Variants in SYCP2L observed in about 807,000 individuals in gnomAD.
SYCP2L encodes synaptonemal complex protein 2 like, also known as synaptonemal complex protein 2-like.
Under a neutral mutation model 125.8 loss-of-function variants are expected in SYCP2L, and 98 were observed. The observed-to-expected ratio is 0.78, with a 90% CI of 0.66 to 0.92. The LOEUF (loss-of-function observed/expected upper bound fraction) is 0.92, where lower values mean the gene tolerates loss of function less well. SYCP2L is among the 40% of genes least tolerant of loss of function. The pLI, the probability that SYCP2L is intolerant of heterozygous loss-of-function variation, is 0.00. For synonymous variants in SYCP2L, 317 were observed against 325.4 expected, an observed-to-expected ratio of 0.97 and a Z score of 0.28; for missense variants, 842 against 936.4, an observed-to-expected ratio of 0.90 and a Z score of 1.32.
At chr6:10,932,871 A>G (rs1334636301) in intron 20 of SYCP2L, among the ~76,000 whole-genome samples, 5 of 152,196 alleles carry the variant, frequency 3.3e-5, no homozygotes, top group Non-Finnish European at 1.5e-5. Flanking sequence ...CTCCTGCCTC[A>G]GCCTCCTGAG....
intron 20 of SYCP2L, among the ~76,000 whole-genome samples, chr6:10,932,366 T>C (rs1439548588): frequency 2.6e-5 from 4 of 152,110 alleles, no homozygotes; most frequent in East Asian, 1.9e-4. Flanking sequence ...CTCTCAGCAG[T>C]TGGTTTGTGT....
chr6:10,957,772 A>C (rs1462394908), intron 25 of SYCP2L, among the ~76,000 whole-genome samples: 4 of 152,214 alleles, frequency 2.6e-5, no homozygotes, highest in African/African-American at 7.2e-5. Context: ...AGCTATGATC[A>C]TGCCGCTGTG....
chr6:10,935,547 C>T (rs377194454), intron 21 of SYCP2L, among the ~76,000 whole-genome samples: 43 of 151,832 alleles, frequency 2.8e-4, no homozygotes, highest in African/African-American at 9.4e-4. Flanking sequence ...TTTTTTGACA[C>T]GGAGTCTTGC....
At chr6:10,938,320 T>TTCAGAGAATGAAGGTTAAATTCATAGAA (rs1781142033) in intron 21 of SYCP2L, among the ~76,000 whole-genome samples, 1 of 152,168 alleles carries the variant, frequency 6.6e-6, no homozygotes, top group African/African-American at 2.4e-5. Flanking sequence ...ATAGAATCAT[T>TTCAGAGAATGAAGGTTAAATTCATAGAA]TCAATAGATG....
intron 25 of SYCP2L, 30 bp downstream of exon 25, chr6:10,956,272 A>G: frequency 6.7e-7 from 1 of 1,494,752 alleles, no homozygotes; most frequent in Non-Finnish European, 9.3e-7. Flanking sequence ...AAAAAACTAG[A>G]GCGTTATGAA....
chr6:10,946,753 T>C (rs1781320740), intron 23 of SYCP2L, among the ~76,000 whole-genome samples: 4 of 152,088 alleles, frequency 2.6e-5, no homozygotes, highest in African/African-American at 9.7e-5. Context: ...TCAATATATA[T>C]ATGATTTTTT....
At chr6:10,918,595 GGT>G (rs1780730278) in intron 14 of SYCP2L, among the ~76,000 whole-genome samples, 1 of 151,712 alleles carries the variant, frequency 6.6e-6, no homozygotes, top group African/African-American at 2.4e-5. Context: ...GGAGTGCAAT[GGT>G]GTGATCTCAG....
chr6:10,922,101 A>C (rs1235095245), intron 14 of SYCP2L, among the ~76,000 whole-genome samples: 1 of 152,216 alleles, frequency 6.6e-6, no homozygotes, highest in Admixed American at 6.5e-5. Flanking sequence ...GGAAAAAGGT[A>C]AAAATAATTC....
At position 10,911,894 on chromosome 6, in the gene SYCP2L, CTTTT is replaced by C. The variant is rs58800098; in HGVS notation, c.919-757_919-754del. 7.6e-3 allele frequency among the ~76,000 whole-genome samples: 382 copies of C among 50,048 alleles called. 5 individuals are homozygous for C. Among genetic ancestry groups the C allele is most frequent in the Admixed American group, 0.032 (83 of 2,620 alleles). The allele number at this position is 50,048 out of a possible 152,430, so 32.8% of individuals were successfully genotyped here. On this transcript the variant is annotated intron_variant, in intron 12 of 29. Transcript: ENST00000283141. Reference sequence around the variant, plus strand: ...TTTATCTGTTGTTGGGGAATAAAAGCTTTTTTTTTTTTTTTTTTTTTTTTTGAGA... The same window carrying C: ...TTTATCTGTTGTTGGGGAATAAAAGCTTTTTTTTTTTTTTTTTTTTTGAGA...
At chr6:10,919,844 A>G (rs1446723811) in intron 14 of SYCP2L, among the ~76,000 whole-genome samples, 1 of 152,046 alleles carries the variant, frequency 6.6e-6, no homozygotes, top group Non-Finnish European at 1.5e-5. Context: ...GCAGGTTGTC[A>G]GGGAAATGGG....
At chr6:10,963,452 G>A (rs1781625015) in intron 28 of SYCP2L, 3 of 289,720 alleles carry the variant, frequency 1.0e-5, no homozygotes, top group South Asian at 3.8e-5. Flanking sequence ...TATGTGTTTT[G>A]TTAAAGAAAT....
At chr6:10,951,173 C>G (rs1255856586) in intron 23 of SYCP2L, among the ~76,000 whole-genome samples, 3 of 151,958 alleles carry the variant, frequency 2.0e-5, no homozygotes, top group African/African-American at 7.3e-5. Context: ...CCTGTAATCC[C>G]AGAACTTTGG....
At chr6:10,938,570 A>C (rs1367380407) in intron 21 of SYCP2L, among the ~76,000 whole-genome samples, 1 of 152,230 alleles carries the variant, frequency 6.6e-6, no homozygotes, top group Non-Finnish European at 1.5e-5. Context: ...TATCCAGGCA[A>C]GAAAAAGAAA....
intron 20 of SYCP2L, among the ~76,000 whole-genome samples, chr6:10,932,767 TTTTTGAGACGGAGTC>T (rs1190135430): frequency 2.0e-5 from 3 of 152,218 alleles, no homozygotes; most frequent in African/African-American, 7.2e-5. Flanking sequence ...AAAAATTTTT[TTTTTGAGACGGAGTC>T]TTGCTCTGTC....
chr6:10,894,169 G>A lies in SYCP2L; in HGVS notation c.301G>A (p.Glu101Lys). Residue 101 changes from glutamate (E) to lysine (K), a missense_variant, in exon 4 of 30, where the codon GAA becomes AAA. Glu to Lys is a moderately conservative substitution (Grantham distance 56). Transcript: ENST00000283141. ...CCTCGTAGATGGCCTGAAAGAAGAT[G>A]AACCTCTGCTAATTCGGCAGGGACT... Reference protein sequence around the residue: ...RFLVDGLKEDEPLLIRQGLIP... With the variant: ...RFLVDGLKEDKPLLIRQGLIP... 1 of 1,613,666 alleles carries A rather than the reference G, an allele frequency of 6.2e-7. No individual in the cohort carries two copies. Among genetic ancestry groups the A allele is most frequent in the Non-Finnish European group, 8.5e-7 (1 of 1,179,904 alleles).
intron 5 of SYCP2L, among the ~76,000 whole-genome samples, chr6:10,898,498 A>C (rs537313128): frequency 6.6e-6 from 1 of 151,820 alleles, no homozygotes; most frequent in South Asian, 2.1e-4. Context: ...CTGGGAAACA[A>C]GAGTGAAACT....
At chr6:10,949,259 C>T (rs1781368016) in intron 23 of SYCP2L, among the ~76,000 whole-genome samples, 1 of 151,998 alleles carries the variant, frequency 6.6e-6, no homozygotes, top group Non-Finnish European at 1.5e-5. Flanking sequence ...TTGATAAATG[C>T]ATTTAAGTTT....
intron 20 of SYCP2L, among the ~76,000 whole-genome samples, chr6:10,933,195 G>A (rs577415341): frequency 2.6e-5 from 4 of 152,208 alleles, no homozygotes; most frequent in Non-Finnish European, 5.9e-5. Flanking sequence ...ATTTACAGCA[G>A]AGGTCAGGTC....
intron 1 of SYCP2L, among the ~76,000 whole-genome samples, chr6:10,888,241 C>T (rs372393534): frequency 4.0e-5 from 6 of 151,526 alleles, no homozygotes; most frequent in African/African-American, 9.7e-5. Context: ...AGACTACAGG[C>T]GCGCGCCACC....
Sources: allele counts gnomAD v4.1 joint callset (sites outside exome capture counted in the v4.1 genomes callset), GRCh38; gene constraint gnomAD v4.1.1; transcripts MANE v1.5; gene names NCBI Gene and HGNC (gene_info 2026-07-23, HGNC 2026-07-21).